The following PRKG1 variants were observed in gnomAD, a reference collection of about 807,000 sequenced individuals.
PRKG1 encodes the protein protein kinase cGMP-dependent 1.
Under a neutral mutation model 88.1 loss-of-function variants are expected in PRKG1, and 35 were observed. The ratio of observed to expected loss-of-function variants is 0.40; its 90% CI spans 0.30 to 0.53. The LOEUF (loss-of-function observed/expected upper bound fraction) is 0.53, where lower values mean the gene tolerates loss of function less well. Ranked by LOEUF, PRKG1 falls within the 20% of genes least tolerant of loss-of-function variation. The probability of loss-of-function intolerance (pLI) is 0.59; values close to 1 mark genes in which losing one functional copy is unlikely to be tolerated. For synonymous variants in PRKG1, 303 were observed against 292.5 expected (o/e 1.04, Z -0.37); for missense variants, 540 against 839.8 (o/e 0.64, Z 4.41).
intron 2 of PRKG1, among the ~76,000 whole-genome samples, chr10:51,233,678 G>C (rs1424631691): frequency 6.6e-6 from 1 of 152,174 alleles, no homozygotes; most frequent in East Asian, 1.9e-4. Flanking sequence ...TTAGGACTCA[G>C]ATAAATGCAT....
At chr10:52,081,669 C>G (rs117200383) in intron 7 of PRKG1, 1 of 456,336 alleles carries the variant, frequency 2.2e-6, no homozygotes, top group East Asian at 6.9e-5. Flanking sequence ...TAAGGAGTAA[C>G]GAGAAAAAGA....
chr10:51,549,115 C>CTT (rs1842514509), intron 3 of PRKG1, among the ~76,000 whole-genome samples: 2 of 79,308 alleles, frequency 2.5e-5, no homozygotes, highest in African/African-American at 9.4e-5. Flanking sequence ...TCTTTCTTTT[C>CTT]TTTTCTTTTT....
intron 7 of PRKG1, among the ~76,000 whole-genome samples, chr10:52,119,553 G>A (rs1010928982): frequency 6.6e-6 from 1 of 152,096 alleles, no homozygotes; most frequent in African/African-American, 2.4e-5. Flanking sequence ...AGTCATTCCA[G>A]TATGCCTTCT....
intron 17 of PRKG1, among the ~76,000 whole-genome samples, chr10:52,292,871 C>T (rs1472953510): frequency 1.3e-5 from 2 of 152,122 alleles, no homozygotes; most frequent in African/African-American, 4.8e-5. Flanking sequence ...TGCCCTCTCT[C>T]ACCACTCCTA....
chr10:52,123,648 A>T (rs112120208), intron 7 of PRKG1, among the ~76,000 whole-genome samples: 7 of 152,258 alleles, frequency 4.6e-5, no homozygotes, highest in African/African-American at 1.7e-4. Context: ...TTCCTTATAA[A>T]TGGCTGTAGC....
intron 1 of PRKG1, among the ~76,000 whole-genome samples, chr10:51,078,198 C>A (rs562465130): frequency 6.6e-6 from 1 of 150,546 alleles, no homozygotes; most frequent in East Asian, 2.0e-4. Context: ...ACTCCATGTT[C>A]TATTTTGTTT....
chr10:52,119,649 G>A (rs1363171148), intron 7 of PRKG1, among the ~76,000 whole-genome samples: 3 of 152,116 alleles, frequency 2.0e-5, no homozygotes, highest in African/African-American at 7.2e-5. Context: ...ATAAAGGAAA[G>A]ACTAATGCAT....
chr10:51,681,622 G>C (rs988151147), intron 3 of PRKG1, among the ~76,000 whole-genome samples: 1 of 152,020 alleles, frequency 6.6e-6, no homozygotes, highest in Non-Finnish European at 1.5e-5. Flanking sequence ...GGTAAAATAT[G>C]CATAATTATA....
chr10:51,133,466 C>T (rs1444546046), intron 1 of PRKG1, among the ~76,000 whole-genome samples: 1 of 152,148 alleles, frequency 6.6e-6, no homozygotes, highest in Non-Finnish European at 1.5e-5. Context: ...TTTTCATGCT[C>T]ATTTTACAGA....
At chr10:51,964,146 G>A (rs1001873913) in intron 5 of PRKG1, among the ~76,000 whole-genome samples, 1 of 152,076 alleles carries the variant, frequency 6.6e-6, no homozygotes, top group Non-Finnish European at 1.5e-5. Flanking sequence ...GTATCCTTTT[G>A]CTGACATTGA....
At chr10:52,065,013 C>G (rs894780522) in intron 7 of PRKG1, among the ~76,000 whole-genome samples, 5 of 152,158 alleles carry the variant, frequency 3.3e-5, no homozygotes, top group Non-Finnish European at 4.4e-5. Context: ...GAAGGCTAGA[C>G]TAGTAGAGGT....
intron 1 of PRKG1, among the ~76,000 whole-genome samples, chr10:51,008,937 G>A (rs934900695): frequency 6.6e-6 from 1 of 152,118 alleles, no homozygotes; most frequent in African/African-American, 2.4e-5. Flanking sequence ...ATATGGTGTT[G>A]ATTGATTGTC....
At chr10:52,211,514 G>T (rs114168461) in intron 9 of PRKG1, among the ~76,000 whole-genome samples, 3 of 151,938 alleles carry the variant, frequency 2.0e-5, no homozygotes, top group Admixed American at 2.0e-4. Flanking sequence ...TTATGCATGC[G>T]TTTAGAAATT....
chr10:51,136,467 A>T (rs1309038091), intron 1 of PRKG1, among the ~76,000 whole-genome samples: 3 of 151,874 alleles, frequency 2.0e-5, no homozygotes, highest in African/African-American at 7.3e-5. Flanking sequence ...AAAAGATTTT[A>T]AAAAGTTTAG....
intron 3 of PRKG1, among the ~76,000 whole-genome samples, chr10:51,654,624 T>C (rs1444561003): frequency 1.3e-5 from 2 of 152,172 alleles, no homozygotes; most frequent in African/African-American, 4.8e-5. Flanking sequence ...ATCTTTAAAA[T>C]AAGGTTTTCC....
intron 2 of PRKG1, among the ~76,000 whole-genome samples, chr10:51,385,425 T>C (rs1347482075): frequency 2.0e-5 from 3 of 152,216 alleles, no homozygotes; most frequent in Admixed American, 2.0e-4. Context: ...TTATCTATTT[T>C]TTAAATGCAA....
chr10:52,141,551 C>T (rs1339092320), intron 8 of PRKG1, among the ~76,000 whole-genome samples: 2 of 152,000 alleles, frequency 1.3e-5, no homozygotes, highest in East Asian at 3.9e-4. Context: ...GGTTTAAAGG[C>T]AAATATTTAA....
At chr10:51,686,746 T>C (rs12254813) in intron 3 of PRKG1, among the ~76,000 whole-genome samples, 14,048 of 152,088 alleles carry the variant, frequency 0.092, 2,073 homozygotes, top group African/African-American at 0.31. Flanking sequence ...CCTTTTTTGT[T>C]TGTTTGTTTG....
chr10:52,043,547 A>C (rs1225812766), intron 5 of PRKG1, among the ~76,000 whole-genome samples: 1 of 152,078 alleles, frequency 6.6e-6, no homozygotes, highest in East Asian at 1.9e-4. Flanking sequence ...ATTGGTTACC[A>C]GGAGCTGGAG....
Sources: allele counts gnomAD v4.1 joint callset (sites outside exome capture counted in the v4.1 genomes callset), GRCh38; gene constraint gnomAD v4.1.1; transcripts MANE v1.5; gene names NCBI Gene and HGNC (gene_info 2026-07-23, HGNC 2026-07-21).